Variants in NOTCH2NLC observed in about 807,000 individuals in gnomAD.
The protein encoded by NOTCH2NLC is notch homolog 2 N-terminal-like protein C.
In NOTCH2NLC, 4 loss-of-function variants were observed where a neutral mutation model predicts 17.7. The observed-to-expected ratio is 0.23, with a 90% CI of 0.11 to 0.52. The LOEUF (loss-of-function observed/expected upper bound fraction) is 0.52, where lower values mean the gene tolerates loss of function less well. Ranked by LOEUF, NOTCH2NLC falls within the 20% of genes least tolerant of loss-of-function variation. The pLI is 0.96. For synonymous variants in NOTCH2NLC, 18 were observed against 86.0 expected (o/e 0.21, Z 4.38); for missense variants, 57 against 207.2 (o/e 0.28, Z 4.45).
intron 2 of NOTCH2NLC, among the ~76,000 whole-genome samples, chr1:149,446,593 C>T (rs2084555244): frequency 1.3e-5 from 2 of 149,802 alleles, no homozygotes; most frequent in Admixed American, 1.3e-4. Flanking sequence ...ACCTTGGCCT[C>T]CCACAGTGCT....
chr1:149,427,528 T>C, intron 1 of NOTCH2NLC, among the ~76,000 whole-genome samples: 1 of 83,418 alleles, frequency 1.2e-5, no homozygotes, highest in African/African-American at 4.8e-5. Flanking sequence ...AGATGGAGTC[T>C]CTCTCTGTCA....
chr1:149,429,617 A>G (rs1466812126), intron 1 of NOTCH2NLC, among the ~76,000 whole-genome samples: 4 of 151,336 alleles, frequency 2.6e-5, no homozygotes, highest in Non-Finnish European at 5.9e-5. Flanking sequence ...TATTATTTCA[A>G]GGATGGGATG....
chr1:149,409,476 T>C lies in NOTCH2NLC; in HGVS notation c.135+18554T>C, dbSNP rs1434734897. On this transcript the variant is annotated intron_variant, in intron 1 of 4. Transcript: ENST00000650865. ...GATCTAGTGAAAAGATTTAGGGAAG[T>C]TGTAACTAGTTTAATAACCATCTGT... Among the ~76,000 whole-genome samples the C allele has an allele frequency of 3.3e-3, 493 of 149,296 alleles. 6 individuals are homozygous for C. Among genetic ancestry groups the C allele is most frequent in the African/African-American group, 0.011 (466 of 40,658 alleles).
At chr1:149,393,091 AAAAG>A (rs2084184769) in intron 1 of NOTCH2NLC, among the ~76,000 whole-genome samples, 2 of 149,308 alleles carry the variant, frequency 1.3e-5, no homozygotes, top group Non-Finnish European at 3.0e-5. Flanking sequence ...AAAAAAAAAA[AAAAG>A]TATTAAATAA....
intron 1 of NOTCH2NLC, among the ~76,000 whole-genome samples, chr1:149,396,587 CA>C (rs2084209479): frequency 6.6e-6 from 1 of 150,478 alleles, no homozygotes; most frequent in South Asian, 2.1e-4. Context: ...TAAAAGGAGT[CA>C]AACCCAGTGA....
At chr1:149,450,050 G>A (rs1206395309) in intron 2 of NOTCH2NLC, among the ~76,000 whole-genome samples, 2 of 141,252 alleles carry the variant, frequency 1.4e-5, no homozygotes, top group Non-Finnish European at 3.1e-5. Flanking sequence ...CATTTGGGTT[G>A]TTTCTACTTT....
At chr1:149,406,997 A>G (rs1249175527) in intron 1 of NOTCH2NLC, among the ~76,000 whole-genome samples, 7 of 150,280 alleles carry the variant, frequency 4.7e-5, no homozygotes, top group African/African-American at 1.7e-4. Context: ...TCAAGTTTGT[A>G]GGTTAACTCA....
intron 1 of NOTCH2NLC, among the ~76,000 whole-genome samples, chr1:149,424,538 T>C (rs1314959648): frequency 6.6e-6 from 1 of 150,938 alleles, no homozygotes. Context: ...TTGACAAATA[T>C]TAGTGGAACT....
intron 2 of NOTCH2NLC, among the ~76,000 whole-genome samples, chr1:149,437,038 C>T (rs2084486445): frequency 8.6e-6 from 1 of 115,836 alleles, no homozygotes; most frequent in African/African-American, 3.4e-5. Flanking sequence ...ATATTGTTAT[C>T]ATATTATTTC....
At chr1:149,461,777 A>G (rs1377950262) in intron 3 of NOTCH2NLC, among the ~76,000 whole-genome samples, 66 of 150,708 alleles carry the variant, frequency 4.4e-4, no homozygotes, top group Non-Finnish European at 8.4e-4. Flanking sequence ...TGTGGCACAT[A>G]TACACCATGG....
intron 1 of NOTCH2NLC, among the ~76,000 whole-genome samples, chr1:149,413,139 C>G (rs1341889951): frequency 6.6e-6 from 1 of 150,460 alleles, no homozygotes; most frequent in African/African-American, 2.4e-5. Context: ...AACTGCTGAC[C>G]TCAAATGATC....
rs1253731240 is a variant in NOTCH2NLC, at chr1:149,402,300, C to G, written c.135+11378C>G. ...TTCTCTATGTTGGGCAGGCTGGTCT[C>G]GTACTCCTGACCTCAGGTGATCCAC... On this transcript the variant is annotated intron_variant, in intron 1 of 4. Transcript: ENST00000650865. 2.1e-4 allele frequency among the ~76,000 whole-genome samples: 32 copies of G among 150,816 alleles called. 1 individual carries two copies. Among genetic ancestry groups the G allele is most frequent in the Non-Finnish European group, 4.1e-4 (28 of 67,472 alleles).
chr1:149,401,993 G>A (rs1457997415), intron 1 of NOTCH2NLC, among the ~76,000 whole-genome samples: 51 of 138,752 alleles, frequency 3.7e-4, no homozygotes, highest in Admixed American at 3.6e-3. Context: ...GGTGGAAATG[G>A]AGCCTCACAG....
chr1:149,400,140 T>TATATATATATATATA (rs1177183791), intron 1 of NOTCH2NLC, among the ~76,000 whole-genome samples: 2 of 124,202 alleles, frequency 1.6e-5, no homozygotes, highest in African/African-American at 3.0e-5. Flanking sequence ...ATAATATATA[T>TATATATATATATATA]TTTTTTTTTA....
In NOTCH2NLC at chr1:149,460,854, C is replaced by CCTTTCTTTCTTTCTTTCCTTCTTT. The variant is rs2084641215; in HGVS notation, c.470-2620_470-2619insCTTCTTTCTTTCTTTCTTTCTTTC. Among the ~76,000 whole-genome samples, 15 of 113,910 alleles carry CCTTTCTTTCTTTCTTTCCTTCTTT rather than the reference C, an allele frequency of 1.3e-4. 1 individual carries two copies. In the East Asian group the frequency reaches 1.4e-3, roughly 11 times the overall value. 74.7% of individuals were successfully genotyped at this position (113,910 alleles called of 152,430 possible). The stretch of plus-strand genomic sequence containing the variant: ...AGGGTTGATTCTTTCTTTCTTTCTC[C>CCTTTCTTTCTTTCTTTCCTTCTTT]CTTTCTTTCTTTCTTTCTTTCTTTC... On this transcript the variant is annotated intron_variant, in intron 3 of 4. Coordinates refer to ENST00000650865, the MANE Select transcript of NOTCH2NLC (RefSeq NM_001364013.2).
intron 3 of NOTCH2NLC, among the ~76,000 whole-genome samples, chr1:149,462,930 G>A (rs1673006340): frequency 1.4e-5 from 2 of 145,174 alleles, no homozygotes; most frequent in South Asian, 4.5e-4. Context: ...CCGCCTCCTG[G>A]GTTCAAGTGA....
intron 3 of NOTCH2NLC, among the ~76,000 whole-genome samples, chr1:149,460,431 C>T (rs1389348604): frequency 4.1e-5 from 6 of 145,670 alleles, no homozygotes; most frequent in South Asian, 2.2e-4. Flanking sequence ...CTCCACCTCC[C>T]GGGTTCACGC....
chr1:149,392,927 C>T (rs1474188405), intron 1 of NOTCH2NLC, among the ~76,000 whole-genome samples: 11 of 150,154 alleles, frequency 7.3e-5, no homozygotes, highest in African/African-American at 1.5e-4. Context: ...AAAAATTAGC[C>T]GGGCGTAGTG....
Position 149,390,665 on chromosome 1 carries a change from A to C in NOTCH2NLC, c.-123A>C, listed in dbSNP as rs1459744217. On this transcript the variant is annotated 5_prime_UTR_variant, in exon 1 of 5. Transcript: ENST00000650865. ...TGAGGCGGCGGCCGAGGAGCGGCGG[A>C]CTCGGGGCGCGGGGAGTCGAGGCAT... 43 of 1,207,964 alleles carry C rather than the reference A, an allele frequency of 3.6e-5. No individual in the cohort carries two copies. Among genetic ancestry groups the C allele is most frequent in the East Asian group, 2.8e-4 (7 of 25,174 alleles). 74.8% of individuals were successfully genotyped at this position (1,207,964 alleles called of 1,614,324 possible).
Sources: gnomAD v4.1 joint callset for allele counts (sites outside exome capture counted in the v4.1 genomes callset) on GRCh38, gnomAD v4.1.1 for gene constraint, MANE v1.5 for transcripts, NCBI Gene and HGNC (gene_info 2026-07-23, HGNC 2026-07-21) for gene names.